PDZRN4: variants seen among roughly 807,000 people sequenced by gnomAD.
PDZRN4 encodes PDZ domain-containing RING finger protein 4.
A neutral mutation model predicts 99.0 loss-of-function variants in PDZRN4; 70 were observed. The ratio of observed to expected loss-of-function variants is 0.71; its 90% CI spans 0.58 to 0.86. The LOEUF (loss-of-function observed/expected upper bound fraction) is 0.86. Among genes scored for constraint, PDZRN4 ranks in the 40% least tolerant of loss-of-function variants. The pLI, the probability that PDZRN4 is intolerant of heterozygous loss-of-function variation, is 0.00. For synonymous variants in PDZRN4, 551 were observed against 501.6 expected (o/e 1.10, Z -1.32); for missense variants, 1,474 against 1,331.2 (o/e 1.11, Z -1.67).
chr12:41,479,284 A>C (rs2254521), intron 3 of PDZRN4, among the ~76,000 whole-genome samples: 18,548 of 152,130 alleles, frequency 0.12, 1,189 homozygotes, highest in African/African-American at 0.16. Flanking sequence ...CAGAAAACGA[A>C]AGTAGATGAC....
chr12:41,442,138 T>C (rs1952685095), intron 3 of PDZRN4, among the ~76,000 whole-genome samples: 1 of 152,126 alleles, frequency 6.6e-6, no homozygotes. Context: ...TTCTTTCCAA[T>C]TGTCTCTCTT....
intron 3 of PDZRN4, among the ~76,000 whole-genome samples, chr12:41,371,040 G>A (rs1952038004): frequency 6.6e-6 from 1 of 150,748 alleles, no homozygotes; most frequent in Non-Finnish European, 1.5e-5. Context: ...TCTCCATAAA[G>A]TAATTCATCT....
At chr12:41,493,444 G>C (rs2120635904) in intron 3 of PDZRN4, among the ~76,000 whole-genome samples, 1 of 152,274 alleles carries the variant, frequency 6.6e-6, no homozygotes, top group East Asian at 1.9e-4. Context: ...GAAAAATGTT[G>C]TGGCAATTTG....
Position 41,552,698 on chromosome 12 carries a change from C to T in PDZRN4, c.1246C>T (p.Leu416=), listed in dbSNP as rs535973041. The part of the protein sequence containing the change: ...CRVSSQEKLG[L]TVCYRTDDEE... Reference sequence around the variant, plus strand: ...TGTTAGCAGTCAAGAGAAGCTGGGCCTGACAGTCTGTTACCGAACAGATGA... The same window carrying T: ...TGTTAGCAGTCAAGAGAAGCTGGGCTTGACAGTCTGTTACCGAACAGATGA... Residue 416 remains leucine (L), a synonymous_variant, in exon 6 of 10, where the codon CTG becomes TTG. Transcript: ENST00000402685. The T allele has an allele frequency of 5.0e-6, 8 of 1,613,788 alleles. No individual in the cohort carries two copies. The South Asian group carries it at 5.5e-5, about 11-fold the overall frequency.
rs868491631 is a variant in PDZRN4 at position 41,325,207 on chromosome 12, G to T, written c.843+131019G>T. Among the ~76,000 whole-genome samples, 11 of 151,970 alleles carry T rather than the reference G, an allele frequency of 7.2e-5. No homozygotes were observed. The Middle Eastern group carries it at 0.01, about 141-fold the overall frequency. On this transcript the variant is annotated intron_variant, in intron 3 of 9. Transcript: ENST00000402685. ...TCCAGTGTCTGGGATTTTAATTTTA[G>T]GTCATATCATTATGTGATAATTCAG...
At chr12:41,540,345 G>A (rs550859454) in intron 5 of PDZRN4, among the ~76,000 whole-genome samples, 57 of 152,156 alleles carry the variant, frequency 3.7e-4, no homozygotes, top group African/African-American at 1.2e-3. Context: ...GTTATAGTAC[G>A]GCATGGAAGA....
At chr12:41,567,597 A>C (rs1939396555) in intron 8 of PDZRN4, among the ~76,000 whole-genome samples, 186 bp from the exon 9 acceptor site, 1 of 130,954 alleles carries the variant, frequency 7.6e-6, no homozygotes, top group Non-Finnish European at 1.6e-5. Context: ...TAAAAGGCAT[A>C]AGAGTCCTTT....
intron 3 of PDZRN4, among the ~76,000 whole-genome samples, chr12:41,467,246 A>G (rs942699720): frequency 7.9e-5 from 12 of 151,086 alleles, no homozygotes; most frequent in Admixed American, 2.0e-4. Flanking sequence ...AATAGCATAG[A>G]AAAAAATTGG....
intron 3 of PDZRN4, among the ~76,000 whole-genome samples, chr12:41,206,026 A>G (rs542789780): frequency 6.6e-6 from 1 of 151,958 alleles, no homozygotes; most frequent in Non-Finnish European, 1.5e-5. Context: ...GTAAGTGTTC[A>G]TTCTTATAGC....
At chr12:41,545,930 A>C (rs1408902459) in intron 5 of PDZRN4, among the ~76,000 whole-genome samples, 2 of 152,100 alleles carry the variant, frequency 1.3e-5, no homozygotes, top group Admixed American at 1.3e-4. Flanking sequence ...AGTTGAGGTC[A>C]TAATAATCCA....
intron 5 of PDZRN4, among the ~76,000 whole-genome samples, chr12:41,510,729 C>T (rs1592091200): frequency 1.3e-5 from 2 of 152,118 alleles, no homozygotes; most frequent in Admixed American, 1.3e-4. Flanking sequence ...CACTTTACAA[C>T]CAGGAAATCC....
chr12:41,366,056 C>T (rs1039142166), intron 3 of PDZRN4, among the ~76,000 whole-genome samples: 1 of 152,100 alleles, frequency 6.6e-6, no homozygotes, highest in African/African-American at 2.4e-5. Context: ...CTGCTCCCAC[C>T]ACAGATTGCT....
At position 41,435,574 on chromosome 12, in the gene PDZRN4, G is replaced by A. The variant is rs143470390; in HGVS notation, c.844-70882G>A. ...GAGGCCGAAGCAGGCAGATCACGAG[G>A]TCAGGAGATCGAGACCTTCCTGGCT... On this transcript the variant is annotated intron_variant, in intron 3 of 9. Coordinates refer to ENST00000402685, the MANE Select transcript of PDZRN4 (RefSeq NM_001164595.2). 3.6e-4 allele frequency among the ~76,000 whole-genome samples: 55 copies of A among 152,262 alleles called. 1 individual carries two copies. Among genetic ancestry groups the A allele is most frequent in the African/African-American group, 1.3e-3 (53 of 41,556 alleles).
intron 3 of PDZRN4, among the ~76,000 whole-genome samples, chr12:41,320,880 C>G (rs1951672382): frequency 6.6e-6 from 1 of 151,924 alleles, no homozygotes; most frequent in Admixed American, 6.6e-5. Flanking sequence ...AAAATTAACA[C>G]CAGTTATCTC....
intron 3 of PDZRN4, among the ~76,000 whole-genome samples, chr12:41,493,570 G>A (rs1186322943): frequency 2.0e-5 from 3 of 151,996 alleles, no homozygotes; most frequent in East Asian, 1.9e-4. Flanking sequence ...AGAAAGTGCC[G>A]CCCCAAATAT....
chr12:41,389,398 A>G (rs10880070), intron 3 of PDZRN4, among the ~76,000 whole-genome samples: 7,785 of 152,208 alleles, frequency 0.051, 594 homozygotes, highest in African/African-American at 0.16. Flanking sequence ...TGATCTGCAA[A>G]TGTAAGCAAG....
chr12:41,424,768 G>A (rs554102128), intron 3 of PDZRN4, among the ~76,000 whole-genome samples: 2 of 152,274 alleles, frequency 1.3e-5, no homozygotes, highest in East Asian at 3.9e-4. Context: ...TAGTGAGTCA[G>A]GGATCTATTT....
intron 3 of PDZRN4, among the ~76,000 whole-genome samples, chr12:41,354,396 A>G (rs1262778530): frequency 1.3e-5 from 2 of 152,028 alleles, no homozygotes; most frequent in Non-Finnish European, 2.9e-5. Flanking sequence ...TCCGTTGAGA[A>G]CAACCCAAAG....
Position 41,573,076 on chromosome 12 carries a change from T to A in PDZRN4, c.2297T>A (p.Leu766His). 6.2e-7 allele frequency: 1 copy of A among 1,614,008 alleles called. No individual in the cohort carries two copies. The change falls in exon 10 of 10, where the codon CTC becomes CAC. Residue 766 changes from leucine to histidine, a missense_variant. Physicochemically the swap from Leu to His is moderately conservative, Grantham distance 99 (BLOSUM62 -3). Coordinates refer to ENST00000402685, the MANE Select transcript of PDZRN4 (RefSeq NM_001164595.2). ...PDSSLPRVIN[L>H]TNKKNLRSTM... The stretch of plus-strand genomic sequence containing the variant: ...AGTTCCCTTCCAAGGGTGATCAACC[T>A]CACCAATAAGAAAAACCTGAGAAGC...
Sources: allele counts gnomAD v4.1 joint callset (sites outside exome capture counted in the v4.1 genomes callset), GRCh38; gene constraint gnomAD v4.1.1; transcripts MANE v1.5; gene names NCBI Gene and HGNC (gene_info 2026-07-23, HGNC 2026-07-21).